The following GPC5 variants were observed in gnomAD, a reference collection of about 807,000 sequenced individuals.
GPC5 encodes the protein glypican 5, also known as glypican-5.
GPC5 carries 47 observed loss-of-function variants against 53.9 expected under a neutral mutation model. The ratio of observed to expected loss-of-function variants is 0.87; its 90% CI spans 0.69 to 1.11. The LOEUF (loss-of-function observed/expected upper bound fraction) is 1.11. Ranked by LOEUF, GPC5 falls within the 50% of genes most tolerant of loss-of-function variation. GPC5 has a pLI of 0.00. For missense variants in GPC5, 748 were observed against 713.1 expected, an observed-to-expected ratio of 1.05 and a Z score of -0.56; for synonymous variants, 286 against 263.3, an observed-to-expected ratio of 1.09 and a Z score of -0.84.
intron 7 of GPC5, among the ~76,000 whole-genome samples, chr13:92,268,080 A>C (rs1454566974): frequency 2.0e-5 from 3 of 151,476 alleles, no homozygotes; most frequent in African/African-American, 7.3e-5. Flanking sequence ...TTTACCCTTC[A>C]AAACACAATG....
chr13:91,926,858 A>C (rs991732163), intron 6 of GPC5, among the ~76,000 whole-genome samples: 12 of 152,194 alleles, frequency 7.9e-5, no homozygotes, highest in Non-Finnish European at 4.4e-5. Flanking sequence ...TACAGTACAA[A>C]AGTACTATTT....
intron 2 of GPC5, among the ~76,000 whole-genome samples, chr13:91,579,624 C>CTTTTTTTTTTTTTTTTTT (rs3055895): frequency 5.8e-5 from 6 of 102,600 alleles, no homozygotes; most frequent in Admixed American, 1.1e-4. Context: ...TTTTCTTTTT[C>CTTTTTTTTTTTTTTTTTT]TTTTTTTTTT....
intron 7 of GPC5, among the ~76,000 whole-genome samples, chr13:92,375,321 C>T (rs922341334): frequency 5.3e-5 from 8 of 151,942 alleles, no homozygotes; most frequent in African/African-American, 1.7e-4. Flanking sequence ...TTTTTTAAGG[C>T]GACTTCCTTG....
intron 7 of GPC5, among the ~76,000 whole-genome samples, chr13:92,580,778 G>A (rs921786347): frequency 6.6e-6 from 1 of 152,090 alleles, no homozygotes; most frequent in Non-Finnish European, 1.5e-5. Context: ...AGAGGATGGT[G>A]CTAAACTGTT....
chr13:92,228,036 G>A (rs35451398), intron 7 of GPC5, among the ~76,000 whole-genome samples: 15,557 of 151,686 alleles, frequency 0.1, 827 homozygotes, highest in Middle Eastern at 0.14. Flanking sequence ...TTTTCATAAA[G>A]TGGATCGTCA....
intron 7 of GPC5, among the ~76,000 whole-genome samples, chr13:92,750,003 C>T (rs1476226353): frequency 1.3e-5 from 2 of 152,152 alleles, no homozygotes; most frequent in African/African-American, 2.4e-5. Flanking sequence ...TTGATAACTG[C>T]CACCAGTAAT....
At chr13:92,591,064 C>T (rs918055731) in intron 7 of GPC5, among the ~76,000 whole-genome samples, 1 of 152,116 alleles carries the variant, frequency 6.6e-6, no homozygotes, top group African/African-American at 2.4e-5. Context: ...AATGCTAAAA[C>T]AATGTAAGAT....
chr13:91,653,331 T>C (rs2034764169), intron 2 of GPC5, among the ~76,000 whole-genome samples: 1 of 152,060 alleles, frequency 6.6e-6, no homozygotes, highest in Non-Finnish European at 1.5e-5. Context: ...AACAAACAAT[T>C]GAACTCATGA....
At chr13:92,600,417 G>C (rs1884008976) in intron 7 of GPC5, among the ~76,000 whole-genome samples, 1 of 151,972 alleles carries the variant, frequency 6.6e-6, no homozygotes, top group African/African-American at 2.4e-5. Flanking sequence ...ATATTACTTA[G>C]CATATAGCTA....
At chr13:91,982,128 G>A (rs2040365548) in intron 6 of GPC5, among the ~76,000 whole-genome samples, 1 of 152,186 alleles carries the variant, frequency 6.6e-6, no homozygotes, top group Non-Finnish European at 1.5e-5. Context: ...CAATCACACT[G>A]GCAGCGATGT....
At chr13:91,742,726 C>T (rs906198506) in intron 4 of GPC5, among the ~76,000 whole-genome samples, 2 of 152,116 alleles carry the variant, frequency 1.3e-5, no homozygotes, top group Non-Finnish European at 2.9e-5. Context: ...AGTTTGCTTT[C>T]TTAGATGAGG....
chr13:92,673,765 C>A (rs1204763276), intron 7 of GPC5, among the ~76,000 whole-genome samples: 3 of 152,020 alleles, frequency 2.0e-5, no homozygotes, highest in African/African-American at 7.2e-5. Context: ...TAAAGACATA[C>A]CACTGACCCT....
chr13:92,132,498 C>G lies in GPC5; in HGVS notation c.1402-12332C>G, dbSNP rs867609870. On this transcript the variant is annotated intron_variant, in intron 6 of 7. Transcript: ENST00000377067. ...GAGGCTGTCTGTGTTTCCTGAATCT[C>G]TTGCAGGTTCTGGTGGTTTGCTGGA... Among the ~76,000 whole-genome samples, 55 of 152,052 alleles carry G rather than the reference C, an allele frequency of 3.6e-4. 1 individual carries two copies. The highest frequency in any genetic ancestry group is 1.3e-4 in the Non-Finnish European group (9 of 67,992).
chr13:91,826,000 T>A (rs1389728650), intron 5 of GPC5, among the ~76,000 whole-genome samples: 1 of 151,998 alleles, frequency 6.6e-6, no homozygotes, highest in Non-Finnish European at 1.5e-5. Context: ...CCACCACCAG[T>A]GAGACAGATC....
intron 7 of GPC5, among the ~76,000 whole-genome samples, chr13:92,677,508 A>T (rs148630438): frequency 6.6e-6 from 1 of 152,232 alleles, no homozygotes; most frequent in Admixed American, 6.5e-5. Context: ...TGTTTGTTCC[A>T]TGGACTTACA....
intron 6 of GPC5, among the ~76,000 whole-genome samples, chr13:92,028,797 A>T (rs1373331499): frequency 6.6e-6 from 1 of 152,164 alleles, no homozygotes; most frequent in Non-Finnish European, 1.5e-5. Flanking sequence ...TTTCCAAATT[A>T]TTATAATAAA....
chr13:92,619,740 T>G (rs1049889050), intron 7 of GPC5, among the ~76,000 whole-genome samples: 1 of 151,974 alleles, frequency 6.6e-6, no homozygotes, highest in Admixed American at 6.6e-5. Flanking sequence ...CCAGGGTTGG[T>G]TGGTAGTCAG....
At chr13:91,486,628 A>G (rs1883622345) in intron 2 of GPC5, 3 of 152,218 alleles carry the variant, frequency 2.0e-5, no homozygotes, top group Non-Finnish European at 4.4e-5. Flanking sequence ...GAGCCAAGAC[A>G]AGAAAGGCAG....
At chr13:91,691,307 C>T (rs948689543) in intron 2 of GPC5, among the ~76,000 whole-genome samples, 2 of 152,188 alleles carry the variant, frequency 1.3e-5, no homozygotes, top group African/African-American at 4.8e-5. Context: ...GATTCCTGAA[C>T]CAAGACGAAC....
Sources: allele counts gnomAD v4.1 joint callset (sites outside exome capture counted in the v4.1 genomes callset), GRCh38; gene constraint gnomAD v4.1.1; transcripts MANE v1.5; gene names NCBI Gene and HGNC (gene_info 2026-07-23, HGNC 2026-07-21).